KHDRBS2: variants seen among roughly 807,000 people sequenced by gnomAD.
KHDRBS2 encodes KH RNA binding domain containing, signal transduction associated 2.
A neutral mutation model predicts 44.3 loss-of-function variants in KHDRBS2; 26 were observed. The observed-to-expected ratio is 0.59, with a 90% CI of 0.43 to 0.81. The LOEUF (loss-of-function observed/expected upper bound fraction) is 0.81. Among genes scored for constraint, KHDRBS2 ranks in the 40% least tolerant of loss-of-function variants. The probability of loss-of-function intolerance (pLI) is 0.00; values close to 1 mark genes in which losing one functional copy is unlikely to be tolerated. For synonymous variants in KHDRBS2, 194 were observed against 151.1 expected, an observed-to-expected ratio of 1.28 and a Z score of -2.08; for missense variants, 476 against 433.1, an observed-to-expected ratio of 1.10 and a Z score of -0.88.
chr6:61,961,992 A>G (rs1043888470), intron 4 of KHDRBS2, among the ~76,000 whole-genome samples: 151 of 152,230 alleles, frequency 9.9e-4, no homozygotes, highest in African/African-American at 3.5e-3. Flanking sequence ...ATATATATAC[A>G]CATATAATAG....
chr6:61,669,390 A>G, the KHDRBS2 span, among the ~76,000 whole-genome samples: 1 of 150,884 alleles, frequency 6.6e-6, no homozygotes, highest in Non-Finnish European at 1.5e-5. Flanking sequence ...ATATATAAAC[A>G]TACCTTATAG....
intron 2 of KHDRBS2, among the ~76,000 whole-genome samples, chr6:62,070,609 G>A (rs956810983): frequency 2.0e-5 from 3 of 151,868 alleles, no homozygotes; most frequent in Non-Finnish European, 4.4e-5. Flanking sequence ...TTGTCCTTGC[G>A]ACAGTTTGCT....
chr6:61,904,113 CCT>C (rs1192822568), intron 4 of KHDRBS2, among the ~76,000 whole-genome samples: 1 of 152,198 alleles, frequency 6.6e-6, no homozygotes, highest in Non-Finnish European at 1.5e-5. Flanking sequence ...ACTTCAGCAG[CCT>C]CTCTCCAGCC....
At chr6:62,166,118 C>T (rs1263937343) in intron 2 of KHDRBS2, among the ~76,000 whole-genome samples, 2 of 151,800 alleles carry the variant, frequency 1.3e-5, no homozygotes, top group South Asian at 2.1e-4. Context: ...TCATCTATGT[C>T]GTAGAATGTA....
chr6:61,921,364 C>T (rs1488927787), intron 4 of KHDRBS2, among the ~76,000 whole-genome samples: 1 of 151,898 alleles, frequency 6.6e-6, no homozygotes, highest in Non-Finnish European at 1.5e-5. Context: ...ATTATATTAA[C>T]TCCCAAGTTT....
intron 4 of KHDRBS2, among the ~76,000 whole-genome samples, chr6:61,910,523 A>C (rs1272462811): frequency 6.6e-6 from 1 of 152,180 alleles, no homozygotes; most frequent in Non-Finnish European, 1.5e-5. Context: ...CCCATTACTA[A>C]GGTCACATTG....
chr6:61,818,254 A>C (rs1478822788), intron 6 of KHDRBS2, among the ~76,000 whole-genome samples: 1 of 139,766 alleles, frequency 7.2e-6, no homozygotes, highest in Admixed American at 7.1e-5. Flanking sequence ...GGGCAGAGAA[A>C]ACCTCTGTAA....
chr6:61,804,641 C>T (rs1198385258), intron 6 of KHDRBS2, among the ~76,000 whole-genome samples: 2 of 152,192 alleles, frequency 1.3e-5, no homozygotes, highest in African/African-American at 4.8e-5. Context: ...GGTGGAGGTT[C>T]CCAAACCTTA....
intron 2 of KHDRBS2, among the ~76,000 whole-genome samples, chr6:62,139,153 T>C (rs567586371): frequency 4.5e-4 from 69 of 151,822 alleles, no homozygotes; most frequent in South Asian, 1.7e-3. Context: ...TTCACAAAAA[T>C]TTTCAGAAAA....
intron 3 of KHDRBS2, among the ~76,000 whole-genome samples, chr6:62,046,202 G>T (rs1255686390): frequency 6.6e-6 from 1 of 151,750 alleles, no homozygotes; most frequent in Non-Finnish European, 1.5e-5. Flanking sequence ...TTTCCTATTG[G>T]ATTTTCCAAT....
intron 6 of KHDRBS2, among the ~76,000 whole-genome samples, chr6:61,771,494 C>A (rs1780894382): frequency 6.6e-6 from 1 of 152,098 alleles, no homozygotes; most frequent in African/African-American, 2.4e-5. Context: ...GGAGGAAGAT[C>A]TACCAAGCAA....
At chr6:61,691,078 C>T (rs1312231469) in intron 8 of KHDRBS2, among the ~76,000 whole-genome samples, 2 of 151,956 alleles carry the variant, frequency 1.3e-5, no homozygotes, top group African/African-American at 2.4e-5. Context: ...GGAAGCTGAA[C>T]GTTCGTATTT....
At chr6:61,858,171 T>G (rs1455419104) in intron 6 of KHDRBS2, among the ~76,000 whole-genome samples, 1 of 151,878 alleles carries the variant, frequency 6.6e-6, no homozygotes, top group Non-Finnish European at 1.5e-5. Context: ...CATTTATTCC[T>G]GTTACCCATT....
Position 62,235,935 on chromosome 6 carries a change from G to T in KHDRBS2, c.91+49923C>A, listed in dbSNP as rs1455554382. ...TAATCTCAGGTAAATCACATTATTT[G>T]CCTCAAATACCATTTTTTATTCTGG... On this transcript the variant is annotated intron_variant, in intron 1 of 8. Transcript: ENST00000281156. Among the ~76,000 whole-genome samples, 4 of 152,002 alleles carry T rather than the reference G, an allele frequency of 2.6e-5. No homozygotes were observed. In the East Asian group the frequency reaches 7.7e-4, roughly 29 times the overall value.
At chr6:61,910,968 A>C (rs2127351092) in intron 4 of KHDRBS2, among the ~76,000 whole-genome samples, 2 of 152,338 alleles carry the variant, frequency 1.3e-5, no homozygotes, top group South Asian at 4.1e-4. Flanking sequence ...TACTTCAGCA[A>C]GTTATCCACC....
chr6:62,072,281 C>T (rs1795311828), intron 2 of KHDRBS2, among the ~76,000 whole-genome samples: 1 of 152,166 alleles, frequency 6.6e-6, no homozygotes, highest in South Asian at 2.1e-4. Flanking sequence ...ATCATGTCAT[C>T]TGCAAACAGG....
At chr6:61,805,617 C>T (rs1787027913) in intron 6 of KHDRBS2, among the ~76,000 whole-genome samples, 1 of 152,150 alleles carries the variant, frequency 6.6e-6, no homozygotes, top group African/African-American at 2.4e-5. Flanking sequence ...CACAGTTCTG[C>T]ATGATTGGGA....
chr6:62,264,634 T>G (rs1838893280), intron 1 of KHDRBS2, among the ~76,000 whole-genome samples: 1 of 151,764 alleles, frequency 6.6e-6, no homozygotes, highest in Admixed American at 6.6e-5. Flanking sequence ...ATCTTATTAT[T>G]ATTGTGACAT....
At chr6:62,109,170 G>A (rs760949283) in intron 2 of KHDRBS2, among the ~76,000 whole-genome samples, 9 of 150,896 alleles carry the variant, frequency 6.0e-5, no homozygotes, top group Non-Finnish European at 4.4e-5. Context: ...GAAATGCAAA[G>A]TTGTTTACAA....
Sources: allele counts gnomAD v4.1 joint callset (sites outside exome capture counted in the v4.1 genomes callset), GRCh38; gene constraint gnomAD v4.1.1; transcripts MANE v1.5; gene names NCBI Gene and HGNC (gene_info 2026-07-23, HGNC 2026-07-21).